POU2F3: variants seen among roughly 807,000 people sequenced by gnomAD.
POU2F3 encodes POU domain, class 2, transcription factor 3.
A neutral mutation model predicts 59.2 loss-of-function variants in POU2F3; 23 were observed. That is an observed-to-expected ratio of 0.39 (90% CI 0.28 to 0.55). POU2F3 has a LOEUF of 0.55. Among genes scored for constraint, POU2F3 ranks in the 20% least tolerant of loss-of-function variants. The pLI is 0.66. For missense variants in POU2F3, 473 were observed against 544.5 expected, an observed-to-expected ratio of 0.87 and a Z score of 1.31; for synonymous variants, 190 against 214.6, an observed-to-expected ratio of 0.89 and a Z score of 1.00.
At chr11:120,317,175 C>T in intron 11 of POU2F3, 54 bp from the exon 12 acceptor site, 1 of 1,601,100 alleles carries the variant, frequency 6.2e-7, no homozygotes, top group Non-Finnish European at 8.6e-7. Flanking sequence ...GTCCCGATGT[C>T]CCGGGATCCA....
At chr11:120,275,223 G>A (rs1202706271) in intron 3 of POU2F3, among the ~76,000 whole-genome samples, 1 of 152,198 alleles carries the variant, frequency 6.6e-6, no homozygotes, top group East Asian at 1.9e-4. Flanking sequence ...TTGAGTGAGT[G>A]TGGCCTGGGA....
chr11:120,291,189 A>G (rs559457449), intron 3 of POU2F3, among the ~76,000 whole-genome samples: 1 of 152,214 alleles, frequency 6.6e-6, no homozygotes, highest in South Asian at 2.1e-4. Context: ...ACTAAATCTC[A>G]GTAGGGGAAC....
chr11:120,241,019 A>G (rs1938641605), intron 1 of POU2F3, among the ~76,000 whole-genome samples: 1 of 152,178 alleles, frequency 6.6e-6, no homozygotes, highest in South Asian at 2.1e-4. Context: ...GCTTCCCTGA[A>G]TGAATGAATG....
chr11:120,313,432 A>G (rs1941705125), intron 10 of POU2F3, among the ~76,000 whole-genome samples: 1 of 152,236 alleles, frequency 6.6e-6, no homozygotes, highest in Admixed American at 6.5e-5. Flanking sequence ...TAGTTACACT[A>G]ACACTTGTGA....
upstream of POU2F3, among the ~76,000 whole-genome samples, chr11:120,239,943 T>C (rs1383833517): frequency 6.6e-6 from 1 of 152,124 alleles, no homozygotes; most frequent in Non-Finnish European, 1.5e-5. Flanking sequence ...GGTGAGGAGG[T>C]GCTGCCAGGC....
intron 3 of POU2F3, among the ~76,000 whole-genome samples, chr11:120,286,343 C>T (rs993667756): frequency 2.0e-5 from 3 of 152,190 alleles, no homozygotes; most frequent in African/African-American, 7.2e-5. Flanking sequence ...CAATCACTCC[C>T]TTTAAGTATG....
intron 10 of POU2F3, among the ~76,000 whole-genome samples, chr11:120,310,004 G>A (rs890435270): frequency 2.6e-5 from 4 of 152,178 alleles, no homozygotes; most frequent in Middle Eastern, 3.2e-3. Flanking sequence ...GAAGCAGAGC[G>A]CCCAAGATCT....
At chr11:120,257,582 A>G (rs1266021167) in intron 2 of POU2F3, among the ~76,000 whole-genome samples, 1 of 149,468 alleles carries the variant, frequency 6.7e-6, no homozygotes, top group Non-Finnish European at 1.5e-5. Context: ...TTTCCCCTGC[A>G]CTCCAGCCCT....
At position 120,307,732 on chromosome 11, in the gene POU2F3, G is replaced by A. The variant is rs563460520; in HGVS notation, c.906+117G>A. 1.6e-5 allele frequency: 22 copies of A among 1,365,018 alleles called. No individual in the cohort carries two copies. In the African/African-American group the frequency reaches 1.7e-4, roughly 11 times the overall value. The allele number at this position is 1,365,018 out of a possible 1,614,324, so 84.6% of individuals were successfully genotyped here. A position where few individuals can be genotyped will look rare whatever the true frequency, so the allele number is the denominator to read the frequency against. ...GCACCTCACACCTGCTCTGGGACAC[G>A]ATCAGAAAACACATTATCCCACTCC... On this transcript the variant is annotated intron_variant, in intron 9 of 12. Coordinates refer to ENST00000543440, the MANE Select transcript of POU2F3 (RefSeq NM_014352.4).
At chr11:120,237,297 T>A (rs1032674274), upstream of POU2F3, among the ~76,000 whole-genome samples, 16 of 152,146 alleles carry the variant, frequency 1.1e-4, no homozygotes, top group Non-Finnish European at 1.9e-4. Flanking sequence ...AATGAATGAA[T>A]GTGAGGGAGT....
chr11:120,254,375 C>G (rs1360424895), intron 2 of POU2F3, among the ~76,000 whole-genome samples: 1 of 152,182 alleles, frequency 6.6e-6, no homozygotes, highest in African/African-American at 2.4e-5. Flanking sequence ...AGTCTCTTTT[C>G]TGGTCGAGGT....
At chr11:120,247,998 G>C (rs1275475016) in intron 2 of POU2F3, among the ~76,000 whole-genome samples, 2 of 152,250 alleles carry the variant, frequency 1.3e-5, no homozygotes, top group Non-Finnish European at 2.9e-5. Context: ...TTAGGAGTGA[G>C]AATGAGCCAC....
At chr11:120,259,604 C>A (rs1939506848) in intron 2 of POU2F3, among the ~76,000 whole-genome samples, 1 of 152,224 alleles carries the variant, frequency 6.6e-6, no homozygotes, top group African/African-American at 2.4e-5. Context: ...TCCTATTCTT[C>A]AGGTGGCTTC....
intron 3 of POU2F3, among the ~76,000 whole-genome samples, chr11:120,277,727 A>C (rs184576746): frequency 0.011 from 1,646 of 152,328 alleles, 11 homozygotes; most frequent in Middle Eastern, 0.024. Context: ...GGTTGCAGTG[A>C]GCTGAGATCA....
chr11:120,245,419 C>T (rs531549954), intron 1 of POU2F3, among the ~76,000 whole-genome samples: 10 of 152,132 alleles, frequency 6.6e-5, no homozygotes, highest in South Asian at 6.2e-4. Context: ...GAGCTGAGTA[C>T]GCAAATTGGC....
chr11:120,317,576 G>T (rs1196951313), intron 12 of POU2F3, among the ~76,000 whole-genome samples: 3 of 152,216 alleles, frequency 2.0e-5, no homozygotes, highest in African/African-American at 7.2e-5. Context: ...AGCCATCCTG[G>T]CAAGGAGCTG....
intron 1 of POU2F3, among the ~76,000 whole-genome samples, chr11:120,240,981 G>A (rs1938640014): frequency 6.6e-6 from 1 of 152,178 alleles, no homozygotes; most frequent in Non-Finnish European, 1.5e-5. Flanking sequence ...GGAAACCTAG[G>A]AGATGCAAAT....
chr11:120,273,577 C>T (rs145770332), intron 3 of POU2F3, among the ~76,000 whole-genome samples: 1 of 152,234 alleles, frequency 6.6e-6, no homozygotes, highest in East Asian at 1.9e-4. Flanking sequence ...TGTTCTCAAG[C>T]ATGACTAGTT....
intron 2 of POU2F3, among the ~76,000 whole-genome samples, chr11:120,258,604 C>T (rs1401465585): frequency 6.6e-6 from 1 of 152,150 alleles, no homozygotes; most frequent in Non-Finnish European, 1.5e-5. Flanking sequence ...TTGGGTGCAA[C>T]TAGAACAGAG....
Sources: gnomAD v4.1 joint callset for allele counts (sites outside exome capture counted in the v4.1 genomes callset) on GRCh38, gnomAD v4.1.1 for gene constraint, MANE v1.5 for transcripts, NCBI Gene and HGNC (gene_info 2026-07-23, HGNC 2026-07-21) for gene names.